CUX1: variants seen among roughly 807,000 people sequenced by gnomAD.
CUX1 encodes protein CASP.
Under a neutral mutation model 158.8 loss-of-function variants are expected in CUX1, and 31 were observed. The ratio of observed to expected loss-of-function variants is 0.20; its 90% CI spans 0.15 to 0.26. The LOEUF (loss-of-function observed/expected upper bound fraction) is 0.26, where lower values mean the gene tolerates loss of function less well. CUX1 is among the 10% of genes least tolerant of loss of function. The pLI, the probability that CUX1 is intolerant of heterozygous loss-of-function variation, is 1.00. For synonymous variants in CUX1, 879 were observed against 862.1 expected, an observed-to-expected ratio of 1.02 and a Z score of -0.34; for missense variants, 1,589 against 2,014.6, an observed-to-expected ratio of 0.79 and a Z score of 4.04.
chr7:101,928,162 C>T (rs761615050), intron 2 of CUX1, among the ~76,000 whole-genome samples: 3 of 152,070 alleles, frequency 2.0e-5, no homozygotes, highest in Non-Finnish European at 4.4e-5. Flanking sequence ...AAACATGCTG[C>T]GTTCTATCAC....
chr7:101,864,382 G>A (rs567157254), intron 1 of CUX1, among the ~76,000 whole-genome samples: 11 of 151,936 alleles, frequency 7.2e-5, no homozygotes, highest in Admixed American at 7.2e-4. Context: ...GGTTGGTCTT[G>A]AACTCCTGAG....
intron 12 of CUX1, 32 bp from the exon 13 acceptor site, chr7:102,193,810 A>C (rs1794519238): frequency 6.2e-7 from 1 of 1,609,572 alleles, no homozygotes; most frequent in African/African-American, 1.3e-5. Context: ...TCAAAAAATA[A>C]ATAAAATAAC....
At position 102,250,067 on chromosome 7, in the gene CUX1, A is replaced by G. The variant is rs542635630; in HGVS notation, c.*1025A>G. On this transcript the variant is annotated 3_prime_UTR_variant, in exon 24 of 24. Transcript: ENST00000292535. ...ACAAAAAAAAGAAAAAAAAAGAAAAAAAAAAAAGAAAAGATCCGAATCTAG... is the reference window on the plus strand; with the variant it reads ...ACAAAAAAAAGAAAAAAAAAGAAAAGAAAAAAAGAAAAGATCCGAATCTAG... 1 of 985,110 alleles carries G rather than the reference A, an allele frequency of 1.0e-6. No homozygotes were observed. The highest frequency in any genetic ancestry group is 1.2e-6 in the Non-Finnish European group (1 of 829,450). The allele number at this position is 985,110 out of a possible 1,614,324, so 61.0% of individuals were successfully genotyped here.
rs782284933 is a variant in CUX1, at chr7:102,189,839, G to A, written c.1044G>A (p.Gln348=). 8.1e-6 allele frequency: 13 copies of A among 1,614,162 alleles called. No homozygotes were observed. Among genetic ancestry groups the A allele is most frequent in the Admixed American group, 1.7e-5 (1 of 60,014 alleles). The part of the protein sequence containing the change: ...LKQLEEKLKG[Q]ADYEEVKKEL... Reference sequence around the variant, plus strand: ...AACTGGAAGAAAAACTCAAAGGCCAGGCTGACTATGAAGAGGTGAAGAAAG... The same window carrying A: ...AACTGGAAGAAAAACTCAAAGGCCAAGCTGACTATGAAGAGGTGAAGAAAG... The change falls in exon 12 of 24, where the codon CAG becomes CAA. Residue 348 remains glutamine (Q), a synonymous_variant. Transcript: ENST00000292535.
intron 11 of CUX1, among the ~76,000 whole-genome samples, chr7:102,185,979 A>C (rs1554515155): frequency 6.6e-6 from 1 of 152,200 alleles, no homozygotes; most frequent in Non-Finnish European, 1.5e-5. Context: ...GCGCAGGTCT[A>C]GCATACCACG....
At chr7:101,828,224 C>A (rs1181081279) in intron 1 of CUX1, among the ~76,000 whole-genome samples, 1 of 152,038 alleles carries the variant, frequency 6.6e-6, no homozygotes, top group Admixed American at 6.6e-5. Flanking sequence ...TCCGCTTCGG[C>A]CTCCCAAAGT....
At chr7:102,223,616 A>G (rs1563439815) in intron 20 of CUX1, among the ~76,000 whole-genome samples, 2 of 152,150 alleles carry the variant, frequency 1.3e-5, no homozygotes, top group Admixed American at 6.5e-5. Context: ...GATTAAAACG[A>G]TACTTTCTGA....
chr7:101,981,034 C>T (rs1563087620), intron 2 of CUX1, among the ~76,000 whole-genome samples: 1 of 152,036 alleles, frequency 6.6e-6, no homozygotes, highest in Non-Finnish European at 1.5e-5. Context: ...CAATTAATTG[C>T]AAAAATAATA....
intron 3 of CUX1, among the ~76,000 whole-genome samples, chr7:102,068,443 T>C (rs1247787134): frequency 5.6e-5 from 2 of 35,524 alleles, no homozygotes; most frequent in Non-Finnish European, 8.9e-5. Flanking sequence ...TCTTATCGGG[T>C]TGAGGGGGTG....
chr7:101,837,757 G>A (rs2131111692), intron 1 of CUX1, among the ~76,000 whole-genome samples: 1 of 149,256 alleles, frequency 6.7e-6, no homozygotes, highest in African/African-American at 2.5e-5. Context: ...CTTGAAGCCG[G>A]GAGGTCGAAG....
intron 2 of CUX1, among the ~76,000 whole-genome samples, chr7:101,989,509 G>T (rs1035713368): frequency 5.3e-5 from 8 of 152,192 alleles, no homozygotes; most frequent in African/African-American, 1.9e-4. Flanking sequence ...ATTCAAACCC[G>T]AGTGGAGCGT....
intron 2 of CUX1, among the ~76,000 whole-genome samples, chr7:101,990,608 T>G (rs1222804696): frequency 1.3e-5 from 2 of 152,042 alleles, no homozygotes; most frequent in African/African-American, 4.8e-5. Flanking sequence ...AACTCCTGAC[T>G]TCAAGTGACG....
chr7:102,266,203 C>CAAA (rs34666659), intron 14 of CUX1, among the ~76,000 whole-genome samples: 1 of 100,954 alleles, frequency 9.9e-6, no homozygotes, highest in Admixed American at 1.1e-4. Flanking sequence ...GACTCCGTTT[C>CAAA]AAAAAAAAAA....
At chr7:102,187,574 C>T (rs1793766923) in intron 11 of CUX1, among the ~76,000 whole-genome samples, 1 of 152,120 alleles carries the variant, frequency 6.6e-6, no homozygotes, top group Non-Finnish European at 1.5e-5. Flanking sequence ...CCTCTGTGTG[C>T]TCCTCCCTCT....
chr7:102,137,910 G>T (rs546137969), intron 8 of CUX1, among the ~76,000 whole-genome samples: 1 of 152,128 alleles, frequency 6.6e-6, no homozygotes, highest in South Asian at 2.1e-4. Context: ...AGTTGGCCAA[G>T]CACACTGGCT....
At chr7:101,867,084 G>A (rs1798010534) in intron 1 of CUX1, among the ~76,000 whole-genome samples, 1 of 152,200 alleles carries the variant, frequency 6.6e-6, no homozygotes, top group Non-Finnish European at 1.5e-5. Context: ...AGCCGGGCGT[G>A]GTGGTGCCTG....
intron 1 of CUX1, among the ~76,000 whole-genome samples, chr7:101,867,652 G>A (rs1031647038): frequency 4.6e-5 from 7 of 152,184 alleles, no homozygotes; most frequent in African/African-American, 1.7e-4. Context: ...TCCGTCACAC[G>A]CATTCTGGAA....
At chr7:102,070,313 C>T in intron 3 of CUX1, 26 bp from the exon 4 acceptor site, 1 of 1,591,004 alleles carries the variant, frequency 6.3e-7, no homozygotes, top group Non-Finnish European at 8.6e-7. Flanking sequence ...CTTTGTTTTT[C>T]TTTTCTTTCT....
intron 1 of CUX1, among the ~76,000 whole-genome samples, chr7:101,857,313 A>G (rs569110331): frequency 6.6e-6 from 1 of 152,396 alleles, no homozygotes; most frequent in South Asian, 2.1e-4. Context: ...ATCTGCAGAA[A>G]TAAAAAGAAA....
Sources: gnomAD v4.1 joint callset for allele counts (sites outside exome capture counted in the v4.1 genomes callset) on GRCh38, gnomAD v4.1.1 for gene constraint, MANE v1.5 for transcripts, NCBI Gene and HGNC (gene_info 2026-07-23, HGNC 2026-07-21) for gene names.